FRAS1: variants seen among roughly 807,000 people sequenced by gnomAD.
The protein encoded by FRAS1 is Fraser extracellular matrix complex subunit 1.
FRAS1 carries 290 observed loss-of-function variants against 435.2 expected under a neutral mutation model. The ratio of observed to expected loss-of-function variants is 0.67; its 90% CI spans 0.61 to 0.73. FRAS1 has a LOEUF of 0.73. Among genes scored for constraint, FRAS1 ranks in the 30% least tolerant of loss-of-function variants. The pLI is 0.00. For synonymous variants in FRAS1, 1,800 were observed against 1,851.0 expected (o/e 0.97, Z 0.71); for missense variants, 4,860 against 5,001.5 (o/e 0.97, Z 0.85).
At chr4:78,184,034 G>A (rs1308117499) in intron 2 of FRAS1, among the ~76,000 whole-genome samples, 1 of 152,100 alleles carries the variant, frequency 6.6e-6, no homozygotes, top group Non-Finnish European at 1.5e-5. Flanking sequence ...TACACTGTAA[G>A]CCCCACTCAG....
chr4:78,178,673 T>A (rs1334770514), intron 2 of FRAS1, among the ~76,000 whole-genome samples: 1 of 152,182 alleles, frequency 6.6e-6, no homozygotes, highest in African/African-American at 2.4e-5. Flanking sequence ...TGGTGTCATA[T>A]GCTTGAGAGC....
intron 2 of FRAS1, among the ~76,000 whole-genome samples, chr4:78,192,362 G>C (rs1199973187): frequency 6.6e-6 from 1 of 152,204 alleles, no homozygotes. Flanking sequence ...AATGGTACCA[G>C]CTCCTTCTTG....
At chr4:78,256,938 T>C (rs752692558) in intron 6 of FRAS1, among the ~76,000 whole-genome samples, 19 of 152,196 alleles carry the variant, frequency 1.2e-4, no homozygotes, top group Non-Finnish European at 2.8e-4. Flanking sequence ...ACAAATACAC[T>C]GGATGTTCTG....
intron 2 of FRAS1, among the ~76,000 whole-genome samples, chr4:78,101,808 A>G (rs983398951): frequency 6.6e-6 from 1 of 152,232 alleles, no homozygotes; most frequent in African/African-American, 2.4e-5. Flanking sequence ...GCAGAGCATG[A>G]AGAGCACTAA....
intron 70 of FRAS1, among the ~76,000 whole-genome samples, chr4:78,527,557 T>A (rs10030160): frequency 0.38 from 58,076 of 151,974 alleles, 11,372 homozygotes; most frequent in South Asian, 0.54. Context: ...AGAAGACTAT[T>A]TGAAATGTGG....
intron 14 of FRAS1, among the ~76,000 whole-genome samples, chr4:78,300,152 A>G (rs1728318849): frequency 6.6e-6 from 1 of 152,204 alleles, no homozygotes; most frequent in Admixed American, 6.5e-5. Flanking sequence ...CATGAATGTC[A>G]GGCAGATTTC....
intron 14 of FRAS1, among the ~76,000 whole-genome samples, chr4:78,293,411 A>G (rs573452024): frequency 5.3e-4 from 81 of 152,354 alleles, no homozygotes; most frequent in Non-Finnish European, 9.3e-4. Context: ...TTTGGCTTAC[A>G]GATGACCTAT....
intron 53 of FRAS1, 36 bp from the exon 54 acceptor site, chr4:78,475,402 G>C (rs939971947): frequency 1.9e-6 from 3 of 1,611,604 alleles, no homozygotes; most frequent in Non-Finnish European, 2.5e-6. Context: ...TAACCATGGG[G>C]CATAGTTTAA....
At chr4:78,101,728 C>A (rs1996390) in intron 2 of FRAS1, among the ~76,000 whole-genome samples, 9,408 of 152,092 alleles carry the variant, frequency 0.062, 790 homozygotes, top group African/African-American at 0.19. Flanking sequence ...AATGTGCTTT[C>A]ATATTTGTTG....
intron 51 of FRAS1, among the ~76,000 whole-genome samples, chr4:78,471,636 C>G (rs1479383076): frequency 6.6e-6 from 1 of 152,218 alleles, no homozygotes; most frequent in Non-Finnish European, 1.5e-5. Flanking sequence ...TCTTTCTTTG[C>G]TCAAATCTTG....
intron 32 of FRAS1, among the ~76,000 whole-genome samples, chr4:78,413,614 G>A (rs560308650): frequency 6.6e-6 from 1 of 152,336 alleles, no homozygotes; most frequent in East Asian, 1.9e-4. Flanking sequence ...AAAGGGCACT[G>A]CCACAAGTGA....
intron 71 of FRAS1, 40 bp downstream of exon 71, chr4:78,534,655 G>A (rs371823160): frequency 5.0e-6 from 8 of 1,593,990 alleles, no homozygotes; most frequent in Non-Finnish European, 6.9e-6. Context: ...GGCTCTGCCT[G>A]GATATGAGAA....
rs568604196 is a variant in FRAS1, at chr4:78,318,911, G to A, written c.2062G>A (p.Val688Met). 4.9e-5 allele frequency: 79 copies of A among 1,614,020 alleles called. No homozygotes were observed. The highest frequency in any genetic ancestry group is 1.1e-4 in the African/African-American group (8 of 75,048). ...ACTGCAAGTGGAGCAGCTGTCTGAC[G>A]TGGGCATCCCCTCTGGCGAGTGTCT... is the stretch of plus-strand genomic sequence containing the variant. ...EGLQVEQLSD[V>M]GIPSGECLAQ... The change falls in exon 18 of 74, where the codon GTG becomes ATG. Residue 688 changes from valine to methionine, a missense_variant. Physicochemically the swap from Val to Met is conservative, Grantham distance 21. Coordinates refer to ENST00000512123, the MANE Select transcript of FRAS1 (RefSeq NM_025074.7).
chr4:78,282,513 GT>G (rs1309985726), intron 11 of FRAS1, among the ~76,000 whole-genome samples: 3 of 152,186 alleles, frequency 2.0e-5, no homozygotes, highest in Non-Finnish European at 2.9e-5. Context: ...TGAGAAACAA[GT>G]TTTAAATGCC....
intron 44 of FRAS1, among the ~76,000 whole-genome samples, 186 bp from the exon 45 acceptor site, chr4:78,449,965 G>A (rs1456823848): frequency 6.6e-6 from 1 of 152,136 alleles, no homozygotes; most frequent in Non-Finnish European, 1.5e-5. Context: ...TTAGTAAATT[G>A]AAATGTCGGT....
At chr4:78,372,907 T>A in intron 24 of FRAS1, 49 bp downstream of exon 24, 1 of 1,590,100 alleles carries the variant, frequency 6.3e-7, no homozygotes, top group Non-Finnish European at 8.6e-7. Context: ...CTTGGCCACC[T>A]CTGATTTGTA....
At chr4:78,417,692 G>A (rs1356287331) in intron 32 of FRAS1, among the ~76,000 whole-genome samples, 1 of 152,150 alleles carries the variant, frequency 6.6e-6, no homozygotes, top group Non-Finnish European at 1.5e-5. Flanking sequence ...ACGCCTTGGG[G>A]ACAATTACAA....
At chr4:78,101,289 T>A (rs1742117730) in intron 2 of FRAS1, among the ~76,000 whole-genome samples, 1 of 152,218 alleles carries the variant, frequency 6.6e-6, no homozygotes, top group Non-Finnish European at 1.5e-5. Flanking sequence ...GTCTTCGGAT[T>A]AGAACACCTT....
At chr4:78,380,334 G>A (rs1471751) in intron 27 of FRAS1, among the ~76,000 whole-genome samples, 7,874 of 100,748 alleles carry the variant, frequency 0.078, 662 homozygotes, top group African/African-American at 0.23. Flanking sequence ...CAACATTGGG[G>A]CAATGTACTG....
Sources: gnomAD v4.1 joint callset for allele counts (sites outside exome capture counted in the v4.1 genomes callset) on GRCh38, gnomAD v4.1.1 for gene constraint, MANE v1.5 for transcripts, NCBI Gene and HGNC (gene_info 2026-07-23, HGNC 2026-07-21) for gene names.